UGT8: variants seen among roughly 807,000 people sequenced by gnomAD.
The protein encoded by UGT8 is 2-hydroxyacylsphingosine 1-beta-galactosyltransferase.
UGT8 carries 12 observed loss-of-function variants against 40.5 expected under a neutral mutation model. The ratio of observed to expected loss-of-function variants is 0.30; its 90% CI spans 0.19 to 0.48. The LOEUF is 0.48. Ranked by LOEUF, UGT8 falls within the 20% of genes least tolerant of loss-of-function variation. The probability of loss-of-function intolerance (pLI) is 0.99; values close to 1 mark genes in which losing one functional copy is unlikely to be tolerated. For missense variants in UGT8, 513 were observed against 648.7 expected (o/e 0.79, Z 2.27); for synonymous variants, 224 against 240.4 (o/e 0.93, Z 0.63).
At chr4:114,659,622 C>T (rs555299601) in intron 2 of UGT8, among the ~76,000 whole-genome samples, 37 of 152,200 alleles carry the variant, frequency 2.4e-4, no homozygotes, top group African/African-American at 7.2e-4. Flanking sequence ...TGCTGGTCTA[C>T]GTACAAGACG....
chr4:114,614,840 C>CTTTTTTTTTTT (rs68162513), intron 1 of UGT8, among the ~76,000 whole-genome samples: 1 of 98,532 alleles, frequency 1.0e-5, no homozygotes, highest in African/African-American at 3.6e-5. Context: ...AGGTGCCAGA[C>CTTTTTTTTTTT]TTTTTTTTTT....
At chr4:114,665,852 A>G in intron 4 of UGT8, 96 bp downstream of exon 4, 2 of 948,280 alleles carry the variant, frequency 2.1e-6, no homozygotes, top group East Asian at 2.6e-5. Context: ...TTCATACGGT[A>G]TACGGTATGT....
intron 2 of UGT8, among the ~76,000 whole-genome samples, chr4:114,654,025 A>T (rs1369361764): frequency 6.6e-6 from 1 of 152,132 alleles, no homozygotes; most frequent in African/African-American, 2.4e-5. Context: ...TTTGTTGGTA[A>T]TATCAGTGGA....
In UGT8 at chr4:114,643,065, T is replaced by G. The variant is rs906048548; in HGVS notation, c.822+19363T>G. On this transcript the variant is annotated intron_variant, in intron 2 of 5. Transcript: ENST00000310836. The stretch of plus-strand genomic sequence containing the variant: ...TTATTATTTTAATGTTGTTTTAGTT[T>G]GTATAATTGTAGGTGAAGGTCCAAG... Among the ~76,000 whole-genome samples the G allele has an allele frequency of 1.1e-4, 16 of 152,118 alleles. No individual in the cohort carries two copies. The South Asian group carries it at 3.1e-3, about 30-fold the overall frequency.
intron 5 of UGT8, among the ~76,000 whole-genome samples, chr4:114,674,160 A>G (rs1310993938): frequency 6.6e-6 from 1 of 152,198 alleles, no homozygotes; most frequent in Admixed American, 6.5e-5. Context: ...TAGATTTTTC[A>G]CTGGGCTTTG....
intron 5 of UGT8, 102 bp downstream of exon 5, chr4:114,668,406 G>T: frequency 2.0e-6 from 2 of 977,236 alleles, no homozygotes; most frequent in Non-Finnish European, 1.5e-6. Context: ...ATCAAATTAT[G>T]GAAATATCCT....
At chr4:114,664,682 C>T (rs2126132920) in intron 3 of UGT8, among the ~76,000 whole-genome samples, 1 of 152,192 alleles carries the variant, frequency 6.6e-6, no homozygotes, top group East Asian at 1.9e-4. Context: ...TAGATTGACC[C>T]CAGCTTCTTT....
At chr4:114,667,745 C>G (rs138648261) in intron 4 of UGT8, 54 of 341,678 alleles carry the variant, frequency 1.6e-4, no homozygotes, top group African/African-American at 1.2e-3. Flanking sequence ...TCTGTTTTTT[C>G]ACTCTGGTAT....
intron 5 of UGT8, among the ~76,000 whole-genome samples, chr4:114,674,843 C>G (rs1282385011): frequency 1.3e-5 from 2 of 152,150 alleles, no homozygotes; most frequent in African/African-American, 4.8e-5. Context: ...TTTCTTATGT[C>G]TAAACAATAC....
At chr4:114,659,336 T>G (rs994769083) in intron 2 of UGT8, among the ~76,000 whole-genome samples, 1 of 152,242 alleles carries the variant, frequency 6.6e-6, no homozygotes, top group Non-Finnish European at 1.5e-5. Context: ...AAAATTACTT[T>G]ATAGCTATAA....
chr4:114,637,825 C>G (rs1560687678), intron 2 of UGT8, among the ~76,000 whole-genome samples: 1 of 152,170 alleles, frequency 6.6e-6, no homozygotes, highest in Non-Finnish European at 1.5e-5. Flanking sequence ...ATGCTGAAAG[C>G]AATGAATACT....
intron 2 of UGT8, among the ~76,000 whole-genome samples, chr4:114,625,028 C>T (rs1732109722): frequency 6.6e-6 from 1 of 152,126 alleles, no homozygotes. Flanking sequence ...TTAGAAGTAG[C>T]TTCTAAAAGA....
chr4:114,637,813 G>A (rs917532472), intron 2 of UGT8, among the ~76,000 whole-genome samples: 1 of 152,210 alleles, frequency 6.6e-6, no homozygotes, highest in Non-Finnish European at 1.5e-5. Context: ...TTTGAGGCAG[G>A]CATGCTGAAA....
intron 1 of UGT8, among the ~76,000 whole-genome samples, chr4:114,610,421 A>C (rs879320233): frequency 1.3e-5 from 2 of 152,218 alleles, no homozygotes; most frequent in Admixed American, 6.5e-5. Context: ...TTATTTTCAC[A>C]AGACAATGGC....
At chr4:114,650,883 T>C (rs576739421) in intron 2 of UGT8, among the ~76,000 whole-genome samples, 4 of 152,182 alleles carry the variant, frequency 2.6e-5, no homozygotes, top group African/African-American at 9.6e-5. Context: ...CAAGTTTTTT[T>C]CTATCCTGCA....
chr4:114,623,896 G>A, intron 2 of UGT8, 194 bp downstream of exon 2: 1 of 354,302 alleles, frequency 2.8e-6, no homozygotes, highest in Non-Finnish European at 4.0e-6. Context: ...CTTTGAATGA[G>A]CATTTCTGTA....
intron 2 of UGT8, among the ~76,000 whole-genome samples, chr4:114,629,925 T>A (rs1432939856): frequency 1.3e-5 from 2 of 152,242 alleles, no homozygotes; most frequent in Non-Finnish European, 2.9e-5. Context: ...TTAAGTCAAA[T>A]ACTGGCAATA....
At position 114,617,275 on chromosome 4, in the gene UGT8, C is replaced by A. The variant is rs551087717; in HGVS notation, c.-2-5604C>A. 6.8e-4 allele frequency among the ~76,000 whole-genome samples: 103 copies of A among 152,184 alleles called. 2 individuals carry two copies. In the Middle Eastern group the frequency reaches 0.014, roughly 20 times the overall value. On this transcript the variant is annotated intron_variant, in intron 1 of 5. Coordinates refer to ENST00000310836, the MANE Select transcript of UGT8 (RefSeq NM_001128174.3). Reference sequence around the variant, plus strand: ...TCTCAAACAAAACAAACAGACAAACCCTTCCTTTGGCCTTGGAGAAATCAC... The same window carrying A: ...TCTCAAACAAAACAAACAGACAAACACTTCCTTTGGCCTTGGAGAAATCAC...
intron 2 of UGT8, among the ~76,000 whole-genome samples, chr4:114,642,981 C>T (rs1036034308): frequency 6.6e-6 from 1 of 152,038 alleles, no homozygotes; most frequent in African/African-American, 2.4e-5. Context: ...TTATTTTTGT[C>T]CACAATGGGA....
Sources: gnomAD v4.1 joint callset for allele counts (sites outside exome capture counted in the v4.1 genomes callset) on GRCh38, gnomAD v4.1.1 for gene constraint, MANE v1.5 for transcripts, NCBI Gene and HGNC (gene_info 2026-07-23, HGNC 2026-07-21) for gene names.